Variants in SLC35F4 observed in about 807,000 individuals in gnomAD.
SLC35F4 encodes the protein solute carrier family 35 member F4, also known as chromosome 14 open reading frame 36.
A neutral mutation model predicts 44.2 loss-of-function variants in SLC35F4; 24 were observed. The ratio of observed to expected loss-of-function variants is 0.54; its 90% CI spans 0.39 to 0.76. The LOEUF is 0.76. Among genes scored for constraint, SLC35F4 ranks in the 30% least tolerant of loss-of-function variants. The pLI is 0.00. For synonymous variants in SLC35F4, 238 were observed against 223.6 expected, an observed-to-expected ratio of 1.06 and a Z score of -0.57; for missense variants, 562 against 586.1, an observed-to-expected ratio of 0.96 and a Z score of 0.42.
At chr14:57,777,061 C>T (rs1183889807) in intron 1 of SLC35F4, among the ~76,000 whole-genome samples, 1 of 152,186 alleles carries the variant, frequency 6.6e-6, no homozygotes, top group East Asian at 1.9e-4. Flanking sequence ...AACTAACTAA[C>T]AACACGATGA....
intron 1 of SLC35F4, among the ~76,000 whole-genome samples, chr14:57,679,849 C>G (rs1367759903): frequency 6.6e-6 from 1 of 151,968 alleles, no homozygotes; most frequent in East Asian, 1.9e-4. Context: ...CTGAATCGAC[C>G]AATAACGAGT....
chr14:57,820,121 T>C (rs1361116490), intron 1 of SLC35F4, among the ~76,000 whole-genome samples: 1 of 152,068 alleles, frequency 6.6e-6, no homozygotes, highest in Non-Finnish European at 1.5e-5. Flanking sequence ...TAAAAATCAG[T>C]TTTAGGTATT....
At chr14:57,947,738 G>A (rs1048020181) in intron 1 of SLC35F4, among the ~76,000 whole-genome samples, 2 of 152,042 alleles carry the variant, frequency 1.3e-5, no homozygotes, top group African/African-American at 2.4e-5. Flanking sequence ...AATCATAAAG[G>A]GATGTTGGAT....
At chr14:57,976,878 C>T (rs1881233246) in exon 2 of SLC35F4, 1 of 152,216 alleles carries the variant, frequency 6.6e-6, no homozygotes, top group Non-Finnish European at 1.5e-5. Context: ...ACAGTAGAGT[C>T]TGCAGAGACT....
At chr14:57,602,117 A>C (rs1233489112) in intron 1 of SLC35F4, among the ~76,000 whole-genome samples, 1 of 151,896 alleles carries the variant, frequency 6.6e-6, no homozygotes, top group African/African-American at 2.4e-5. Flanking sequence ...ACAGAAAATA[A>C]GGATAATTAT....
chr14:57,813,561 TAAAAA>T (rs879258777), intron 1 of SLC35F4, among the ~76,000 whole-genome samples: 14 of 151,660 alleles, frequency 9.2e-5, no homozygotes, highest in Non-Finnish European at 1.8e-4. Context: ...CTCAAAAAAA[TAAAAA>T]AAAGTATTTT....
At chr14:57,763,369 A>AT (rs2077167482) in intron 1 of SLC35F4, among the ~76,000 whole-genome samples, 1 of 152,224 alleles carries the variant, frequency 6.6e-6, no homozygotes, top group Non-Finnish European at 1.5e-5. Context: ...ACTAGAGAAT[A>AT]TTTTTAACTC....
At chr14:57,978,945 T>A (rs915619492) in intron 1 of SLC35F4, among the ~76,000 whole-genome samples, 1 of 152,188 alleles carries the variant, frequency 6.6e-6, no homozygotes, top group Non-Finnish European at 1.5e-5. Flanking sequence ...AAGAGCAAGG[T>A]TGCTACCATA....
At chr14:57,596,788 G>A in intron 1 of SLC35F4, 2 of 1,367,128 alleles carry the variant, frequency 1.5e-6, no homozygotes, top group South Asian at 2.3e-5. Context: ...ATTATGTCCT[G>A]GCTTCCATAC....
chr14:57,935,456 G>A (rs1889779011), intron 1 of SLC35F4, among the ~76,000 whole-genome samples: 1 of 152,238 alleles, frequency 6.6e-6, no homozygotes, highest in Non-Finnish European at 1.5e-5. Flanking sequence ...AGACTGTAGA[G>A]AGAAGCTCAC....
Position 57,742,278 on chromosome 14 carries a change from C to A in SLC35F4, c.103+123445G>T, listed in dbSNP as rs982372426. ...GCTCCAATTAAAAGACACAGACTGGCAAATTGGATAAAGAGTCAAGACCCA... is the reference window on the plus strand; with the variant it reads ...GCTCCAATTAAAAGACACAGACTGGAAAATTGGATAAAGAGTCAAGACCCA... On this transcript the variant is annotated intron_variant, in intron 1 of 7. Transcript: ENST00000556826. 2.6e-5 allele frequency among the ~76,000 whole-genome samples: 4 copies of A among 152,136 alleles called. No individual in the cohort carries two copies. In the East Asian group the frequency reaches 7.7e-4, roughly 29 times the overall value.
intron 1 of SLC35F4, among the ~76,000 whole-genome samples, chr14:57,893,520 A>T (rs1888814571): frequency 6.6e-6 from 1 of 152,192 alleles, no homozygotes; most frequent in South Asian, 2.1e-4. Flanking sequence ...GCTCTCTGCC[A>T]TTACACCTCA....
intron 1 of SLC35F4, among the ~76,000 whole-genome samples, chr14:57,681,024 T>C (rs1264654287): frequency 6.7e-6 from 1 of 150,326 alleles, no homozygotes; most frequent in Non-Finnish European, 1.5e-5. Flanking sequence ...AAACTACCTT[T>C]AAATTTGATG....
chr14:57,601,254 A>C (rs1197047810), intron 1 of SLC35F4, among the ~76,000 whole-genome samples: 1 of 151,946 alleles, frequency 6.6e-6, no homozygotes, highest in African/African-American at 2.4e-5. Context: ...GATTTTGAGG[A>C]TGTAAATCTG....
At chr14:57,850,268 T>C (rs1293354801) in intron 1 of SLC35F4, among the ~76,000 whole-genome samples, 2 of 152,212 alleles carry the variant, frequency 1.3e-5, no homozygotes, top group Non-Finnish European at 2.9e-5. Context: ...GTTTTGCACA[T>C]TAATATGACT....
chr14:57,777,877 C>A (rs1474789602), intron 1 of SLC35F4, among the ~76,000 whole-genome samples: 2 of 152,118 alleles, frequency 1.3e-5, no homozygotes, highest in African/African-American at 4.8e-5. Flanking sequence ...CATGGAATGA[C>A]ACCCATAAAC....
intron 1 of SLC35F4, among the ~76,000 whole-genome samples, chr14:57,861,499 A>C (rs1344042126): frequency 1.3e-5 from 2 of 152,050 alleles, no homozygotes; most frequent in African/African-American, 4.8e-5. Flanking sequence ...TGCTTCCTCC[A>C]TTTCTTCTGC....
chr14:57,819,407 A>AT (rs1446991414), intron 1 of SLC35F4, among the ~76,000 whole-genome samples: 2 of 152,130 alleles, frequency 1.3e-5, no homozygotes, highest in African/African-American at 4.8e-5. Context: ...TCTAATACAA[A>AT]CAAAAACTTC....
rs151025257 is a variant in SLC35F4 at position 57,602,906 on chromosome 14, C to A, written c.104-8782G>T. Reference sequence around the variant, plus strand: ...AACCCCCAGTCCTGCCCAAGAATAACCCCTCTCCCTTAACTATGGCTCCAA... The same window carrying A: ...AACCCCCAGTCCTGCCCAAGAATAAACCCTCTCCCTTAACTATGGCTCCAA... On this transcript the variant is annotated intron_variant, in intron 1 of 7. Coordinates refer to ENST00000556826, the MANE Select transcript of SLC35F4 (RefSeq NM_001306087.2). 2.6e-3 allele frequency among the ~76,000 whole-genome samples: 396 copies of A among 152,300 alleles called. 1 individual carries two copies. The highest frequency in any genetic ancestry group is 8.7e-3 in the African/African-American group (360 of 41,562).
Sources: gnomAD v4.1 joint callset for allele counts (sites outside exome capture counted in the v4.1 genomes callset) on GRCh38, gnomAD v4.1.1 for gene constraint, MANE v1.5 for transcripts, NCBI Gene and HGNC (gene_info 2026-07-23, HGNC 2026-07-21) for gene names.